NAA15: variants seen among roughly 807,000 people sequenced by gnomAD.
NAA15 encodes the protein N-alpha-acetyltransferase 15, NatA auxiliary subunit.
A neutral mutation model predicts 114.0 loss-of-function variants in NAA15; 34 were observed. That is an observed-to-expected ratio of 0.30 (90% CI 0.23 to 0.40). NAA15 has a LOEUF of 0.40. Ranked by LOEUF, NAA15 falls within the 10% of genes least tolerant of loss-of-function variation. NAA15 has a pLI of 1.00. For missense variants in NAA15, 658 were observed against 1,004.5 expected (o/e 0.66, Z 4.66); for synonymous variants, 340 against 338.0 (o/e 1.01, Z -0.06).
intron 1 of NAA15, among the ~76,000 whole-genome samples, chr4:139,329,018 C>T (rs558889509): frequency 1.3e-4 from 20 of 151,404 alleles, no homozygotes; most frequent in South Asian, 4.2e-4. Flanking sequence ...TATAGGTGTG[C>T]GCCACCATGC....
intron 14 of NAA15, among the ~76,000 whole-genome samples, chr4:139,365,240 G>A (rs1477960825): frequency 3.3e-5 from 5 of 152,142 alleles, no homozygotes; most frequent in Admixed American, 1.3e-4. Context: ...GTTTCTCCAT[G>A]TTGGTCGGGC....
At chr4:139,303,139 A>G (rs1338740592) in intron 1 of NAA15, among the ~76,000 whole-genome samples, 2 of 152,250 alleles carry the variant, frequency 1.3e-5, no homozygotes, top group Non-Finnish European at 2.9e-5. Flanking sequence ...ATTCATTTTG[A>G]AAAACATTAG....
intron 14 of NAA15, among the ~76,000 whole-genome samples, chr4:139,368,972 C>T (rs959542526): frequency 2.0e-5 from 3 of 152,060 alleles, no homozygotes; most frequent in African/African-American, 7.2e-5. Context: ...GTTTATACTT[C>T]TAGGGATATT....
At chr4:139,306,325 C>T (rs1233536302) in intron 1 of NAA15, among the ~76,000 whole-genome samples, 1 of 152,172 alleles carries the variant, frequency 6.6e-6, no homozygotes, top group Non-Finnish European at 1.5e-5. Context: ...CTGCAACCTC[C>T]ACCTCCTGGG....
chr4:139,330,063 A>C (rs541742825), intron 1 of NAA15, among the ~76,000 whole-genome samples: 246 of 152,336 alleles, frequency 1.6e-3, no homozygotes, highest in African/African-American at 5.6e-3. Context: ...TTATGATGAA[A>C]GAAAAAGTTC....
intron 1 of NAA15, among the ~76,000 whole-genome samples, chr4:139,330,609 G>A (rs1746968194): frequency 6.6e-6 from 1 of 152,166 alleles, no homozygotes; most frequent in South Asian, 2.1e-4. Flanking sequence ...TGGTTGAGTT[G>A]AAGAGGGGGA....
At chr4:139,322,286 C>T (rs777396977) in intron 1 of NAA15, among the ~76,000 whole-genome samples, 1 of 152,262 alleles carries the variant, frequency 6.6e-6, no homozygotes, top group Admixed American at 6.5e-5. Flanking sequence ...AGGGGAGTTT[C>T]CCTGCACAAG....
At chr4:139,360,908 G>C (rs1032649482) in intron 13 of NAA15, among the ~76,000 whole-genome samples, 9 of 151,976 alleles carry the variant, frequency 5.9e-5, no homozygotes, top group African/African-American at 2.2e-4. Context: ...TGCTGCTGCC[G>C]CTTTAGTAGT....
intron 9 of NAA15, among the ~76,000 whole-genome samples, chr4:139,353,375 T>C (rs913665305): frequency 1.3e-5 from 2 of 152,206 alleles, no homozygotes; most frequent in African/African-American, 4.8e-5. Flanking sequence ...GTCTGTTGAG[T>C]CAGTTAGGTT....
chr4:139,303,448 C>G (rs1745883363), intron 1 of NAA15, among the ~76,000 whole-genome samples: 1 of 152,130 alleles, frequency 6.6e-6, no homozygotes, highest in Non-Finnish European at 1.5e-5. Flanking sequence ...TATGCTTTCT[C>G]TCTCCCTATG....
In NAA15 at chr4:139,388,866, C is replaced by A. The variant is rs897945177; in HGVS notation, c.*782C>A. On this transcript the variant is annotated 3_prime_UTR_variant, in exon 20 of 20. Coordinates refer to ENST00000296543, the MANE Select transcript of NAA15 (RefSeq NM_057175.5). The stretch of plus-strand genomic sequence containing the variant: ...ACTTGTTAAAACTGTAATGCAAGAA[C>A]CAAATGCACTGTGATGTGGCACCAA... 3 of 152,488 alleles carry A rather than the reference C, an allele frequency of 2.0e-5. No individual in the cohort carries two copies. Among genetic ancestry groups the A allele is most frequent in the Non-Finnish European group, 4.4e-5 (3 of 68,020 alleles). 9.4% of individuals were successfully genotyped at this position (152,488 alleles called of 1,614,324 possible).
At chr4:139,382,285 GA>G (rs1279394468) in intron 17 of NAA15, among the ~76,000 whole-genome samples, 1 of 152,012 alleles carries the variant, frequency 6.6e-6, no homozygotes, top group African/African-American at 2.4e-5. Flanking sequence ...AAAATATCCA[GA>G]AAAGTTTAGG....
rs781677346 is a variant in NAA15, at chr4:139,309,176, C to T, written c.54+7345C>T. 7.8e-4 allele frequency among the ~76,000 whole-genome samples: 117 copies of T among 150,572 alleles called. 1 individual carries two copies. The highest frequency in any genetic ancestry group is 1.1e-3 in the Non-Finnish European group (76 of 67,598). ...CAGCCTGGCCAACATGGTGAAACCCCGTCTTTACTAAAAATACGAAACTTA... is the reference window on the plus strand; with the variant it reads ...CAGCCTGGCCAACATGGTGAAACCCTGTCTTTACTAAAAATACGAAACTTA... On this transcript the variant is annotated intron_variant, in intron 1 of 19. Transcript: ENST00000296543.
intron 11 of NAA15, among the ~76,000 whole-genome samples, chr4:139,358,560 A>C (rs184950442): frequency 1.0e-3 from 152 of 152,088 alleles, no homozygotes; most frequent in African/African-American, 3.3e-3. Flanking sequence ...GATTTTTTAA[A>C]AAAATTATAC....
intron 17 of NAA15, 95 bp from the exon 18 acceptor site, chr4:139,384,737 A>G (rs1234052228): frequency 7.5e-6 from 6 of 797,868 alleles, no homozygotes; most frequent in Non-Finnish European, 8.8e-6. Context: ...CCTGGGTGAT[A>G]GAGCAAGACC....
At chr4:139,359,719 T>G (rs954644346) in intron 11 of NAA15, 24 bp from the exon 12 acceptor site, 1 of 1,580,766 alleles carries the variant, frequency 6.3e-7, no homozygotes, top group Non-Finnish European at 8.5e-7. Context: ...CTAACTGGTT[T>G]ATTTTGCTTT....
chr4:139,380,647 A>G (rs963436714), intron 17 of NAA15, among the ~76,000 whole-genome samples: 1 of 152,298 alleles, frequency 6.6e-6, no homozygotes, highest in Non-Finnish European at 1.5e-5. Flanking sequence ...GGCTATACCC[A>G]TTGCTCTTTG....
In NAA15 at chr4:139,388,690, G is replaced by A. The variant is rs1051954627; in HGVS notation, c.*606G>A. On this transcript the variant is annotated 3_prime_UTR_variant, in exon 20 of 20. Coordinates refer to ENST00000296543, the MANE Select transcript of NAA15 (RefSeq NM_057175.5). ...AAGAAACCTATAAGGTGTTCAATAC[G>A]CTTGTGTTTCCAAAATTCACTGTAC... is the stretch of plus-strand genomic sequence containing the variant. 14 of 152,522 alleles carry A rather than the reference G, an allele frequency of 9.2e-5. No homozygotes were observed. Among genetic ancestry groups the A allele is most frequent in the African/African-American group, 3.1e-4 (13 of 41,414 alleles). The allele number at this position is 152,522 out of a possible 1,614,324, so 9.4% of individuals were successfully genotyped here. A position where few individuals can be genotyped will look rare whatever the true frequency, so the allele number is the denominator to read the frequency against.
chr4:139,305,959 ATTT>A (rs150661200), intron 1 of NAA15, among the ~76,000 whole-genome samples: 1 of 152,042 alleles, frequency 6.6e-6, no homozygotes, highest in Non-Finnish European at 1.5e-5. Flanking sequence ...CAAAATAAAC[ATTT>A]TTTTCCTTAA....
Sources: allele counts gnomAD v4.1 joint callset (sites outside exome capture counted in the v4.1 genomes callset), GRCh38; gene constraint gnomAD v4.1.1; transcripts MANE v1.5; gene names NCBI Gene and HGNC (gene_info 2026-07-23, HGNC 2026-07-21).